Variants in FGF14 observed in about 807,000 individuals in gnomAD.
FGF14 encodes fibroblast growth factor 14.
In FGF14, 5 loss-of-function variants were observed where a neutral mutation model predicts 25.5. The ratio of observed to expected loss-of-function variants is 0.20; its 90% CI spans 0.10 to 0.41. The LOEUF (loss-of-function observed/expected upper bound fraction) is 0.41, where lower values mean the gene tolerates loss of function less well. Among genes scored for constraint, FGF14 ranks in the 10% least tolerant of loss-of-function variants. The pLI is 1.00. For synonymous variants in FGF14, 138 were observed against 118.3 expected, an observed-to-expected ratio of 1.17 and a Z score of -1.08; for missense variants, 222 against 320.1, an observed-to-expected ratio of 0.69 and a Z score of 2.34.
intron 1 of FGF14, among the ~76,000 whole-genome samples, chr13:102,190,380 C>T (rs150890252): frequency 6.6e-6 from 1 of 152,302 alleles, no homozygotes; most frequent in African/African-American, 2.4e-5. Flanking sequence ...CAGGGGACAT[C>T]TGGTAATGTC....
chr13:102,167,872 T>C (rs904587378), intron 1 of FGF14, among the ~76,000 whole-genome samples: 1 of 150,846 alleles, frequency 6.6e-6, no homozygotes, highest in Non-Finnish European at 1.5e-5. Flanking sequence ...AAGAGAAAAA[T>C]ATAATGTAAC....
At chr13:102,060,296 C>G (rs1184555122) in intron 1 of FGF14, among the ~76,000 whole-genome samples, 2 of 152,114 alleles carry the variant, frequency 1.3e-5, no homozygotes, top group East Asian at 3.9e-4. Context: ...GAGGCTGAGG[C>G]CGGGGGATCA....
chr13:102,139,897 G>T (rs930971113), intron 1 of FGF14, among the ~76,000 whole-genome samples: 2 of 152,182 alleles, frequency 1.3e-5, no homozygotes, highest in African/African-American at 4.8e-5. Flanking sequence ...CCTTCCAGGG[G>T]TGCCTGATAT....
At chr13:102,093,427 C>A (rs2044256209) in intron 1 of FGF14, among the ~76,000 whole-genome samples, 1 of 152,142 alleles carries the variant, frequency 6.6e-6, no homozygotes, top group African/African-American at 2.4e-5. Context: ...GTAGCACATA[C>A]TATACTACTA....
exon 1 of FGF14, chr13:102,401,768 C>G (rs1318161999): frequency 9.0e-7 from 1 of 1,112,578 alleles, no homozygotes; most frequent in Non-Finnish European, 1.3e-6. Context: ...TGTTTGTTTT[C>G]GGCCAGGGTG....
At chr13:101,776,898 T>C (rs2039146021) in intron 3 of FGF14, among the ~76,000 whole-genome samples, 1 of 152,206 alleles carries the variant, frequency 6.6e-6, no homozygotes, top group South Asian at 2.1e-4. Context: ...TCATAGTCAA[T>C]GCCTTCTTTT....
upstream of FGF14, among the ~76,000 whole-genome samples, chr13:101,918,280 C>T (rs2033727676): frequency 1.3e-5 from 2 of 152,158 alleles, no homozygotes; most frequent in Non-Finnish European, 2.9e-5. Context: ...CTAGGATACA[C>T]CAGAGTGGCA....
At chr13:102,380,549 A>G (rs963005785) in intron 1 of FGF14, among the ~76,000 whole-genome samples, 7 of 152,170 alleles carry the variant, frequency 4.6e-5, no homozygotes, top group Admixed American at 6.6e-5. Context: ...CAGGGCTTTA[A>G]TCTACTCAAT....
chr13:101,738,253 T>C (rs1317827323), intron 3 of FGF14, among the ~76,000 whole-genome samples: 1 of 152,188 alleles, frequency 6.6e-6, no homozygotes, highest in Admixed American at 6.5e-5. Context: ...ATTTAGTAAA[T>C]ATTTATTAAT....
intron 1 of FGF14, among the ~76,000 whole-genome samples, chr13:102,010,825 A>G (rs999113312): frequency 6.6e-6 from 1 of 152,200 alleles, no homozygotes; most frequent in African/African-American, 2.4e-5. Context: ...ACAATGGGGC[A>G]GTATGTCAGA....
intron 1 of FGF14, among the ~76,000 whole-genome samples, chr13:102,267,364 A>G (rs1330138863): frequency 6.6e-6 from 1 of 152,202 alleles, no homozygotes. Flanking sequence ...TCAGACATCA[A>G]CTTCCAATGA....
At chr13:101,825,849 C>T (rs2042370258) in intron 3 of FGF14, among the ~76,000 whole-genome samples, 2 of 152,054 alleles carry the variant, frequency 1.3e-5, no homozygotes, top group South Asian at 4.1e-4. Flanking sequence ...AGAAGTATCC[C>T]ATGAGGATTG....
chr13:102,291,915 C>T (rs1184910824), intron 1 of FGF14, among the ~76,000 whole-genome samples: 2 of 152,042 alleles, frequency 1.3e-5, no homozygotes, highest in African/African-American at 2.4e-5. Flanking sequence ...GTGGTGCCTA[C>T]TTGGACTTAA....
At chr13:102,180,274 T>C (rs746255132) in intron 1 of FGF14, among the ~76,000 whole-genome samples, 1 of 152,152 alleles carries the variant, frequency 6.6e-6, no homozygotes, top group Non-Finnish European at 1.5e-5. Flanking sequence ...TGCTCAAATA[T>C]TGAAATTTGT....
chr13:102,327,125 G>A (rs866380452), intron 1 of FGF14, among the ~76,000 whole-genome samples: 37 of 152,336 alleles, frequency 2.4e-4, no homozygotes, highest in Admixed American at 1.0e-3. Context: ...AAAATGCCAA[G>A]TAATGGTCTA....
At chr13:102,089,658 G>T (rs1445478571) in intron 1 of FGF14, among the ~76,000 whole-genome samples, 1 of 152,142 alleles carries the variant, frequency 6.6e-6, no homozygotes, top group Non-Finnish European at 1.5e-5. Context: ...CACAATGTAC[G>T]TAAGGGGGCT....
chr13:102,390,229 C>T (rs889340969), intron 1 of FGF14, among the ~76,000 whole-genome samples: 1 of 151,852 alleles, frequency 6.6e-6, no homozygotes, highest in African/African-American at 2.4e-5. Flanking sequence ...ATTTTGGGGG[C>T]GGGTGATAGG....
chr13:102,121,134 A>T (rs1377591758), intron 1 of FGF14, among the ~76,000 whole-genome samples: 1 of 152,108 alleles, frequency 6.6e-6, no homozygotes. Flanking sequence ...GACCTGCTTG[A>T]GCCAGCACCT....
chr13:102,212,570 CCTT>C (rs1159529556), intron 1 of FGF14, among the ~76,000 whole-genome samples: 1 of 151,804 alleles, frequency 6.6e-6, no homozygotes, highest in Admixed American at 6.5e-5. Flanking sequence ...TCTCTCTTCT[CCTT>C]CTCCTTCTCT....
Sources: gnomAD v4.1 joint callset for allele counts (sites outside exome capture counted in the v4.1 genomes callset) on GRCh38, gnomAD v4.1.1 for gene constraint, MANE v1.5 for transcripts, NCBI Gene and HGNC (gene_info 2026-07-23, HGNC 2026-07-21) for gene names.